SHROOM3: variants seen among roughly 807,000 people sequenced by gnomAD.
SHROOM3 encodes protein Shroom3.
In SHROOM3, 47 loss-of-function variants were observed where a neutral mutation model predicts 138.6. The observed-to-expected ratio is 0.34, with a 90% confidence interval of 0.27 to 0.43. The LOEUF is 0.43. SHROOM3 is among the 20% of genes least tolerant of loss of function. SHROOM3 has a pLI of 1.00. For synonymous variants in SHROOM3, 1,062 were observed against 1,063.3 expected, an observed-to-expected ratio of 1.00 and a Z score of 0.02; for missense variants, 2,491 against 2,596.5, an observed-to-expected ratio of 0.96 and a Z score of 0.88.
At chr4:76,730,746 G>A in intron 3 of SHROOM3, 58 bp from the exon 4 acceptor site, 1 of 1,610,786 alleles carries the variant, frequency 6.2e-7, no homozygotes, top group Non-Finnish European at 8.5e-7. Flanking sequence ...TCACATCAGT[G>A]AGGAGACTCA....
At chr4:76,649,329 G>A (rs545404652) in intron 2 of SHROOM3, among the ~76,000 whole-genome samples, 13 of 152,306 alleles carry the variant, frequency 8.5e-5, no homozygotes, top group Non-Finnish European at 1.6e-4. Flanking sequence ...AGCTAATGAT[G>A]CCTGGAGCAG....
intron 2 of SHROOM3, among the ~76,000 whole-genome samples, chr4:76,580,463 T>C (rs1472407741): frequency 3.3e-5 from 5 of 150,222 alleles, no homozygotes; most frequent in Non-Finnish European, 7.4e-5. Flanking sequence ...TTTTTTTTTT[T>C]TTTTTTGAGA....
At chr4:76,551,080 A>G (rs1424770283) in intron 1 of SHROOM3, among the ~76,000 whole-genome samples, 1 of 150,426 alleles carries the variant, frequency 6.6e-6, no homozygotes, top group African/African-American at 2.4e-5. Flanking sequence ...ATCTTGGCTC[A>G]CTGCAACCTC....
At chr4:76,583,881 A>G (rs1451252787) in intron 2 of SHROOM3, among the ~76,000 whole-genome samples, 2 of 152,196 alleles carry the variant, frequency 1.3e-5, no homozygotes, top group Non-Finnish European at 1.5e-5. Context: ...AATATTGGCA[A>G]TTTCATATGG....
intron 2 of SHROOM3, among the ~76,000 whole-genome samples, chr4:76,667,694 C>T (rs905475823): frequency 4.0e-5 from 6 of 151,704 alleles, no homozygotes; most frequent in Admixed American, 3.9e-4. Flanking sequence ...GTTGCTTGGG[C>T]GCGGTGGCTC....
intron 1 of SHROOM3, among the ~76,000 whole-genome samples, chr4:76,549,007 G>T (rs895952147): frequency 5.3e-5 from 8 of 152,108 alleles, no homozygotes; most frequent in Non-Finnish European, 7.4e-5. Flanking sequence ...TGAAGTAATT[G>T]GTCCAAAAGT....
chr4:76,582,836 G>A (rs953460913), intron 2 of SHROOM3, among the ~76,000 whole-genome samples: 1 of 152,176 alleles, frequency 6.6e-6, no homozygotes, highest in Non-Finnish European at 1.5e-5. Flanking sequence ...GTGCTAATCA[G>A]TGGCAGAGCC....
intron 1 of SHROOM3, among the ~76,000 whole-genome samples, chr4:76,471,037 T>A (rs1731359587): frequency 6.6e-6 from 1 of 152,100 alleles, no homozygotes; most frequent in African/African-American, 2.4e-5. Flanking sequence ...AAGGCATGCA[T>A]AAAATAGTCT....
intron 4 of SHROOM3, among the ~76,000 whole-genome samples, chr4:76,736,340 C>CCTAT (rs1277528587): frequency 3.9e-5 from 6 of 152,244 alleles, no homozygotes; most frequent in East Asian, 3.9e-4. Flanking sequence ...TGAATTTATA[C>CCTAT]CTATCTGTCC....
At chr4:76,571,754 A>G (rs971533186) in intron 2 of SHROOM3, among the ~76,000 whole-genome samples, 4 of 152,186 alleles carry the variant, frequency 2.6e-5, no homozygotes, top group African/African-American at 9.7e-5. Flanking sequence ...ATTATTTTGT[A>G]AGAGAATAGT....
intron 1 of SHROOM3, among the ~76,000 whole-genome samples, chr4:76,537,115 AAAT>A (rs1319664874): frequency 2.0e-5 from 3 of 152,252 alleles, no homozygotes; most frequent in South Asian, 2.1e-4. Context: ...TCCATCTCAA[AAAT>A]AATAATAATA....
intron 2 of SHROOM3, among the ~76,000 whole-genome samples, chr4:76,585,210 G>A (rs1734127978): frequency 6.6e-6 from 1 of 152,148 alleles, no homozygotes; most frequent in African/African-American, 2.4e-5. Flanking sequence ...TGTGGGGAGG[G>A]GGGCATGCTC....
chr4:76,740,378 C>T lies in SHROOM3; in HGVS notation c.2205C>T (p.Phe735=). Reference sequence around the variant, plus strand: ...GGAGGACCGGTGCCTCGGCTTCTTTCAACAGCACAGACCCAAGTCCCGAAG... The same window carrying T: ...GGAGGACCGGTGCCTCGGCTTCTTTTAACAGCACAGACCCAAGTCCCGAAG... ...PEGRTGASAS[F]NSTDPSPEEP... Residue 735 remains phenylalanine (F), a synonymous_variant, in exon 5 of 11, where the codon TTC becomes TTT. Transcript: ENST00000296043. This position sits in a 1 kb window ranked among gnomAD's most constrained non-coding sequence, Gnocchi z 4.0. 2 of 1,613,072 alleles carry T rather than the reference C, an allele frequency of 1.2e-6. No individual in the cohort carries two copies. Among genetic ancestry groups the T allele is most frequent in the East Asian group, 2.2e-5 (1 of 44,866 alleles).
intron 1 of SHROOM3, among the ~76,000 whole-genome samples, chr4:76,541,623 GCGCACACA>G (rs1733100651): frequency 7.1e-6 from 1 of 140,042 alleles, no homozygotes; most frequent in East Asian, 2.0e-4. Context: ...ACATATGTGG[GCGCACACA>G]CACACACACA....
At position 76,756,948 on chromosome 4, in the gene SHROOM3, G is replaced by A; in HGVS notation, c.5198+11G>A. The A allele has an allele frequency of 6.2e-7, 1 of 1,613,734 alleles. No individual in the cohort carries two copies. Among genetic ancestry groups the A allele is most frequent in the Non-Finnish European group, 8.5e-7 (1 of 1,180,018 alleles). On this transcript the variant is annotated intron_variant, in intron 8 of 10. Transcript: ENST00000296043. ...ATGTGAAGGCAAGAGGTAAGTCCCT[G>A]GTGATGTCCTCAGAGAGACTTACAA...
intron 2 of SHROOM3, among the ~76,000 whole-genome samples, chr4:76,576,742 A>G (rs938643231): frequency 6.6e-6 from 1 of 152,166 alleles, no homozygotes; most frequent in Non-Finnish European, 1.5e-5. Context: ...TGCCTGTATC[A>G]AAACATCTCA....
intron 2 of SHROOM3, among the ~76,000 whole-genome samples, chr4:76,583,160 G>A (rs551870739): frequency 6.6e-6 from 1 of 152,312 alleles, no homozygotes; most frequent in South Asian, 2.1e-4. Context: ...GCAGCGTGGT[G>A]TGGATGGTCT....
chr4:76,693,377 T>TTTTTTTG lies in SHROOM3; in HGVS notation c.324-16773_324-16772insGTTTTTT, dbSNP rs1553937634. Among the ~76,000 whole-genome samples the TTTTTTTG allele has an allele frequency of 2.2e-3, 281 of 126,014 alleles. 7 individuals carry two copies. The highest frequency in any genetic ancestry group is 0.018 in the Middle Eastern group (5 of 278). 82.7% of individuals were successfully genotyped at this position (126,014 alleles called of 152,430 possible). ...CTTCATTTTGATAAGTTTGTTTTTT[T>TTTTTTTG]TTTTTTTTTTTTTTTTAAAGCAACA... On this transcript the variant is annotated intron_variant, in intron 2 of 10. Transcript: ENST00000296043.
intron 2 of SHROOM3, among the ~76,000 whole-genome samples, chr4:76,606,772 T>C (rs1435681437): frequency 6.6e-6 from 1 of 152,178 alleles, no homozygotes; most frequent in African/African-American, 2.4e-5. Context: ...CCTTTACCTC[T>C]AGAGTTCCTG....
Sources: allele counts gnomAD v4.1 joint callset (sites outside exome capture counted in the v4.1 genomes callset), GRCh38; gene constraint gnomAD v4.1.1; non-coding constraint Gnocchi (gnomAD v3.1); transcripts MANE v1.5; gene names NCBI Gene and HGNC (gene_info 2026-07-23, HGNC 2026-07-21).